The following CDH9 variants were observed in gnomAD, a reference collection of about 807,000 sequenced individuals.
CDH9 encodes the protein cadherin-9.
Under a neutral mutation model 70.9 loss-of-function variants are expected in CDH9, and 28 were observed. The observed-to-expected ratio is 0.40, with a 90% CI of 0.29 to 0.54. The LOEUF (loss-of-function observed/expected upper bound fraction) is 0.54. CDH9 is among the 20% of genes least tolerant of loss of function. The probability of loss-of-function intolerance (pLI) is 0.59; values close to 1 mark genes in which losing one functional copy is unlikely to be tolerated. For synonymous variants in CDH9, 409 were observed against 343.1 expected, an observed-to-expected ratio of 1.19 and a Z score of -2.12; for missense variants, 874 against 984.4, an observed-to-expected ratio of 0.89 and a Z score of 1.50.
chr5:26,882,069 A>G (rs1341007015), intron 11 of CDH9, among the ~76,000 whole-genome samples: 1 of 152,082 alleles, frequency 6.6e-6, no homozygotes, highest in Non-Finnish European at 1.5e-5. Flanking sequence ...ATATAGATAC[A>G]TATATACTTG....
Position 26,903,675 on chromosome 5 carries a change from C to T in CDH9, c.961G>A (p.Asp321Asn), listed in dbSNP as rs1195460545. 4.3e-6 allele frequency: 7 copies of T among 1,610,392 alleles called. No individual in the cohort carries two copies. In the Admixed American group the frequency reaches 1.2e-4, roughly 27 times the overall value. ...DGADMFDVITDKDTQEGIITV... is the reference protein window; with the variant it reads ...DGADMFDVITNKDTQEGIITV... ...ATAATCCCTTCCTGTGTATCCTTGT[C>T]AGTGATGACATCGAACATGTCTGCA... The change falls in exon 6 of 12, where the codon GAC becomes AAC. Residue 321 changes from aspartate to asparagine, a missense_variant. Transcript: ENST00000231021.
chr5:27,038,285 A>G (rs905899497), intron 1 of CDH9, among the ~76,000 whole-genome samples, 178 bp downstream of exon 1: 3 of 151,978 alleles, frequency 2.0e-5, no homozygotes, highest in African/African-American at 4.8e-5. Flanking sequence ...GTCACTGAGC[A>G]TGTAAACATT....
At chr5:26,893,761 A>T (rs1199359436) in intron 7 of CDH9, among the ~76,000 whole-genome samples, 4 of 152,080 alleles carry the variant, frequency 2.6e-5, no homozygotes, top group African/African-American at 9.7e-5. Context: ...TTGTCAGAGT[A>T]TTATCAGAGA....
chr5:26,951,859 T>A (rs1466893038), intron 2 of CDH9, among the ~76,000 whole-genome samples: 3 of 152,186 alleles, frequency 2.0e-5, no homozygotes, highest in African/African-American at 4.8e-5. Flanking sequence ...TTCTCTTTTC[T>A]TGGCACAAAT....
rs1340493492 is a variant in CDH9, at chr5:26,885,823, C to A, written c.1673G>T (p.Arg558Leu). The A allele has an allele frequency of 2.5e-6, 4 of 1,613,696 alleles. No individual in the cohort carries two copies. Among genetic ancestry groups the A allele is most frequent in the South Asian group, 2.2e-5 (2 of 91,076 alleles). ...CAATAAGTAGGTGCTCATTTTGTTG[C>A]GACTGTAGCCATCTTTCCGAGTCAT... ...GIMTRKDGYS[R>L]NKMSTYLLPI... The change falls in exon 11 of 12, where the codon CGC becomes CTC. Residue 558 changes from arginine (R) to leucine (L), a missense_variant. Coordinates refer to ENST00000231021, the MANE Select transcript of CDH9 (RefSeq NM_016279.4).
intron 2 of CDH9, among the ~76,000 whole-genome samples, chr5:26,953,999 C>G (rs1473556754): frequency 6.6e-6 from 1 of 151,976 alleles, no homozygotes; most frequent in Non-Finnish European, 1.5e-5. Flanking sequence ...AAATAAAAAA[C>G]AGAAGATTAC....
At chr5:27,032,389 ATAGT>A (rs1203827782) in intron 1 of CDH9, among the ~76,000 whole-genome samples, 3 of 151,658 alleles carry the variant, frequency 2.0e-5, no homozygotes, top group Non-Finnish European at 4.4e-5. Flanking sequence ...TATTATTATA[ATAGT>A]TAATTATTTA....
chr5:26,889,767 G>C (rs2111972199), intron 9 of CDH9, 69 bp downstream of exon 9: 3 of 885,446 alleles, frequency 3.4e-6, no homozygotes, highest in South Asian at 3.4e-5. Flanking sequence ...TGCAAATAAA[G>C]TGATGTAATG....
chr5:26,902,902 A>G, intron 6 of CDH9, 173 bp from the exon 7 acceptor site: 1 of 546,000 alleles, frequency 1.8e-6, no homozygotes, highest in South Asian at 2.4e-5. Context: ...TTTGCCATAC[A>G]CTTATTCACA....
intron 5 of CDH9, among the ~76,000 whole-genome samples, chr5:26,905,341 A>G (rs2111991114): frequency 6.6e-6 from 1 of 152,232 alleles, no homozygotes; most frequent in Admixed American, 6.6e-5. Context: ...ATAACTTAGT[A>G]CCAGAGATAC....
At chr5:26,921,417 G>A (rs1741241418) in intron 2 of CDH9, among the ~76,000 whole-genome samples, 1 of 152,134 alleles carries the variant, frequency 6.6e-6, no homozygotes, top group South Asian at 2.1e-4. Context: ...CAGCCATTGG[G>A]TAGAATTTGT....
At chr5:27,000,708 A>T (rs1452391428) in intron 1 of CDH9, among the ~76,000 whole-genome samples, 64 of 152,244 alleles carry the variant, frequency 4.2e-4, no homozygotes, top group Non-Finnish European at 4.4e-4. Flanking sequence ...TGGTGGAAAA[A>T]ACCTAGATTT....
Position 26,889,779 on chromosome 5 carries a change from C to T in CDH9, c.1512+57G>A, listed in dbSNP as rs1740624391. On this transcript the variant is annotated intron_variant, in intron 9 of 11. Transcript: ENST00000231021. Reference sequence around the variant, plus strand: ...TCCTGCAAATAAAGTGATGTAATGTCATTTGACTTTGTAAAGAGAAAATAT... The same window carrying T: ...TCCTGCAAATAAAGTGATGTAATGTTATTTGACTTTGTAAAGAGAAAATAT... The T allele has an allele frequency of 4.7e-6, 5 of 1,067,758 alleles. No individual in the cohort carries two copies. The African/African-American group carries it at 4.9e-5, about 10-fold the overall frequency. 66.1% of individuals were successfully genotyped at this position (1,067,758 alleles called of 1,614,324 possible). A position where few individuals can be genotyped will look rare whatever the true frequency, so the allele number is the denominator to read the frequency against.
chr5:26,890,333 A>T lies in CDH9; in HGVS notation c.1390+95T>A, dbSNP rs868407812. 1.0e-5 allele frequency: 10 copies of T among 992,712 alleles called. No homozygotes were observed. In the Middle Eastern group the frequency reaches 1.9e-3, roughly 192 times the overall value. The allele number at this position is 992,712 out of a possible 1,614,324, so 61.5% of individuals were successfully genotyped here. A position where few individuals can be genotyped will look rare whatever the true frequency, so the allele number is the denominator to read the frequency against. Reference sequence around the variant, plus strand: ...TTCTCTAAGATCTTGCTAAGGATACAATCATACCACTCAAGAAAATGAGTC... The same window carrying T: ...TTCTCTAAGATCTTGCTAAGGATACTATCATACCACTCAAGAAAATGAGTC... On this transcript the variant is annotated intron_variant, in intron 8 of 11. Coordinates refer to ENST00000231021, the MANE Select transcript of CDH9 (RefSeq NM_016279.4).
At chr5:26,953,992 T>C (rs1741896761) in intron 2 of CDH9, among the ~76,000 whole-genome samples, 1 of 152,022 alleles carries the variant, frequency 6.6e-6, no homozygotes, top group Non-Finnish European at 1.5e-5. Flanking sequence ...AGTGAATAAA[T>C]AAAAAACAGA....
chr5:26,884,756 C>G (rs1302434825), intron 11 of CDH9, among the ~76,000 whole-genome samples: 1 of 152,092 alleles, frequency 6.6e-6, no homozygotes, highest in Non-Finnish European at 1.5e-5. Flanking sequence ...ATAAATTTGG[C>G]TAGCTCTCCT....
At chr5:27,017,169 A>C (rs534813343) in intron 1 of CDH9, among the ~76,000 whole-genome samples, 1 of 152,034 alleles carries the variant, frequency 6.6e-6, no homozygotes, top group East Asian at 1.9e-4. Flanking sequence ...GTATTACCTT[A>C]ATCATAAGAG....
chr5:26,994,089 C>T (rs911252167), intron 1 of CDH9, among the ~76,000 whole-genome samples: 1 of 152,132 alleles, frequency 6.6e-6, no homozygotes, highest in Non-Finnish European at 1.5e-5. Context: ...CATTGCTTAT[C>T]CCATTATTGT....
intron 2 of CDH9, among the ~76,000 whole-genome samples, chr5:26,938,610 G>A (rs1419852961): frequency 6.6e-6 from 1 of 152,192 alleles, no homozygotes; most frequent in South Asian, 2.1e-4. Flanking sequence ...CTAAGACAGA[G>A]TAAGTGCATT....
Sources: allele counts gnomAD v4.1 joint callset (sites outside exome capture counted in the v4.1 genomes callset), GRCh38; gene constraint gnomAD v4.1.1; transcripts MANE v1.5; gene names NCBI Gene and HGNC (gene_info 2026-07-23, HGNC 2026-07-21).